GFOD1: variants seen among roughly 807,000 people sequenced by gnomAD.
GFOD1 encodes Gfo/Idh/MocA-like oxidoreductase domain containing 1.
GFOD1 carries 9 observed loss-of-function variants against 25.4 expected under a neutral mutation model. That is an observed-to-expected ratio of 0.35 (90% CI 0.21 to 0.62). GFOD1 has a LOEUF of 0.62. GFOD1 is among the 20% of genes least tolerant of loss of function. The pLI, the probability that GFOD1 is intolerant of heterozygous loss-of-function variation, is 0.72. For missense variants in GFOD1, 403 were observed against 556.9 expected, an observed-to-expected ratio of 0.72 and a Z score of 2.78; for synonymous variants, 253 against 245.6, an observed-to-expected ratio of 1.03 and a Z score of -0.28.
chr6:13,457,616 T>C (rs1447067998), intron 1 of GFOD1, among the ~76,000 whole-genome samples: 2 of 152,224 alleles, frequency 1.3e-5, no homozygotes, highest in Non-Finnish European at 2.9e-5. Flanking sequence ...TGACTGATTA[T>C]TGATAGAGAC....
At chr6:13,380,233 G>A (rs541709588) in intron 1 of GFOD1, among the ~76,000 whole-genome samples, 5 of 152,348 alleles carry the variant, frequency 3.3e-5, no homozygotes, top group African/African-American at 9.6e-5. Context: ...ATTCCATTCC[G>A]TCTGTGAAAC....
rs1234397032 is a variant in GFOD1, at chr6:13,486,155, G to A, written c.253+483C>T. The stretch of plus-strand genomic sequence containing the variant: ...TCCTCTATCGCACCCAAGAAAACCC[G>A]ACACACGTGTGCGGCCTTTTATTCA... On this transcript the variant is annotated intron_variant, in intron 1 of 1. Transcript: ENST00000379287. 11 of 988,244 alleles carry A rather than the reference G, an allele frequency of 1.1e-5. No individual in the cohort carries two copies. In the African/African-American group the frequency reaches 1.4e-4, roughly 13 times the overall value. The allele number at this position is 988,244 out of a possible 1,614,324, so 61.2% of individuals were successfully genotyped here.
chr6:13,424,717 G>GT (rs145536073), intron 1 of GFOD1, among the ~76,000 whole-genome samples: 9,369 of 151,826 alleles, frequency 0.062, 363 homozygotes, highest in Middle Eastern at 0.12. Flanking sequence ...TGATACAAGG[G>GT]TTTTTTTTCT....
intron 1 of GFOD1, among the ~76,000 whole-genome samples, chr6:13,471,286 A>C (rs1758498490): frequency 6.6e-6 from 1 of 152,128 alleles, no homozygotes; most frequent in Non-Finnish European, 1.5e-5. Context: ...CCATCTACTA[A>C]GACCCTTTGC....
intron 1 of GFOD1, among the ~76,000 whole-genome samples, chr6:13,390,761 A>AAG (rs70989852): frequency 0.17 from 17,353 of 104,118 alleles, 1,875 homozygotes; most frequent in Admixed American, 0.26. Context: ...GAGAGAGAGA[A>AAG]AGAGAGAGAG....
chr6:13,481,925 G>A (rs962043352), intron 1 of GFOD1, among the ~76,000 whole-genome samples: 4 of 152,116 alleles, frequency 2.6e-5, no homozygotes, highest in Admixed American at 2.0e-4. Flanking sequence ...TTACATGGTT[G>A]TATAAGCCAA....
chr6:13,393,475 G>A (rs1489034012), intron 1 of GFOD1, among the ~76,000 whole-genome samples: 2 of 151,098 alleles, frequency 1.3e-5, no homozygotes, highest in Non-Finnish European at 2.9e-5. Context: ...AGGACCACCG[G>A]CCAGTCCAGA....
At chr6:13,462,853 G>A (rs1303619796) in intron 1 of GFOD1, among the ~76,000 whole-genome samples, 2 of 152,162 alleles carry the variant, frequency 1.3e-5, no homozygotes, top group African/African-American at 4.8e-5. Flanking sequence ...TGTCATCTCC[G>A]TTCGTAACAT....
chr6:13,467,688 TGCAGGAG>T (rs1758401147), intron 1 of GFOD1, among the ~76,000 whole-genome samples: 1 of 152,202 alleles, frequency 6.6e-6, no homozygotes, highest in African/African-American at 2.4e-5. Context: ...CTGGGGCAAA[TGCAGGAG>T]GCAGAGAAAA....
intron 1 of GFOD1, among the ~76,000 whole-genome samples, chr6:13,394,953 T>A (rs1785697999): frequency 6.6e-6 from 1 of 152,214 alleles, no homozygotes; most frequent in Non-Finnish European, 1.5e-5. Flanking sequence ...GGCTAATTTT[T>A]AAAAAATTTT....
rs1369025939 is a variant in GFOD1, at chr6:13,487,109, C to G, written c.-219G>C. On this transcript the variant is annotated 5_prime_UTR_variant, in exon 1 of 2. Transcript: ENST00000379287. The surrounding 1 kb of genome is among the most constrained non-coding windows in gnomAD (Gnocchi z 4.9). ...TCAGAACGGTGACTGCGGCAGTGTC[C>G]GCCACGCGGGGCTCGCGTCCTTCCC... 2 of 512,078 alleles carry G rather than the reference C, an allele frequency of 3.9e-6. No homozygotes were observed. The highest frequency in any genetic ancestry group is 3.9e-5 in the Admixed American group (1 of 25,702). The allele number at this position is 512,078 out of a possible 1,614,324, so 31.7% of individuals were successfully genotyped here.
chr6:13,446,814 T>C (rs926840766), intron 1 of GFOD1, among the ~76,000 whole-genome samples: 1 of 152,204 alleles, frequency 6.6e-6, no homozygotes, highest in Admixed American at 6.5e-5. Context: ...CAGAAGCACA[T>C]ATTTGAGCCT....
At chr6:13,483,421 A>C (rs1758797839) in intron 1 of GFOD1, among the ~76,000 whole-genome samples, 1 of 152,092 alleles carries the variant, frequency 6.6e-6, no homozygotes, top group African/African-American at 2.4e-5. Context: ...GGCTGGGCTC[A>C]CTTCTTCAGG....
intron 1 of GFOD1, among the ~76,000 whole-genome samples, chr6:13,409,544 A>G (rs1786033131): frequency 6.6e-6 from 1 of 152,246 alleles, no homozygotes; most frequent in South Asian, 2.1e-4. Context: ...ATAGATTTAC[A>G]AGCAGAAATA....
At chr6:13,427,849 T>A (rs1251494469) in intron 1 of GFOD1, among the ~76,000 whole-genome samples, 1 of 152,188 alleles carries the variant, frequency 6.6e-6, no homozygotes, top group Non-Finnish European at 1.5e-5. Context: ...TTCCAGCCTC[T>A]ACGGAATCTT....
intron 1 of GFOD1, among the ~76,000 whole-genome samples, chr6:13,394,377 CTT>C (rs935075714): frequency 4.0e-5 from 6 of 150,548 alleles, no homozygotes; most frequent in African/African-American, 1.5e-4. Flanking sequence ...ACACTGATAA[CTT>C]TGGTCGTCTC....
intron 1 of GFOD1, among the ~76,000 whole-genome samples, chr6:13,448,952 G>A (rs765216045): frequency 5.3e-5 from 8 of 152,170 alleles, no homozygotes; most frequent in Non-Finnish European, 1.2e-4. Context: ...TGCCCTTGGA[G>A]AGCCACCTGG....
chr6:13,375,802 TTGCTTCGTG>T, intron 1 of GFOD1, among the ~76,000 whole-genome samples: 1 of 152,340 alleles, frequency 6.6e-6, no homozygotes, highest in Admixed American at 6.5e-5. Flanking sequence ...TTTTCTCAGA[TTGCTTCGTG>T]TGCATTTGGT....
At chr6:13,367,227 A>G (rs1457549348) in intron 1 of GFOD1, among the ~76,000 whole-genome samples, 1 of 152,212 alleles carries the variant, frequency 6.6e-6, no homozygotes, top group Non-Finnish European at 1.5e-5. Context: ...AGGTAAGTCT[A>G]ATTAAGTCTG....
Sources: allele counts gnomAD v4.1 joint callset (sites outside exome capture counted in the v4.1 genomes callset), GRCh38; gene constraint gnomAD v4.1.1; non-coding constraint Gnocchi (gnomAD v3.1); transcripts MANE v1.5; gene names NCBI Gene and HGNC (gene_info 2026-07-23, HGNC 2026-07-21).